The following HOXD13 variants were observed in gnomAD, a reference collection of about 807,000 sequenced individuals.
The protein encoded by HOXD13 is homeobox D13, also known as homeobox protein Hox-D13.
In HOXD13, 16 loss-of-function variants were observed where a neutral mutation model predicts 27.3. The observed-to-expected ratio is 0.59, with a 90% CI of 0.40 to 0.89. HOXD13 has a LOEUF of 0.89. HOXD13 is among the 40% of genes least tolerant of loss of function. HOXD13 has a pLI of 0.00. For synonymous variants in HOXD13, 241 were observed against 219.0 expected, an observed-to-expected ratio of 1.10 and a Z score of -0.89; for missense variants, 481 against 482.6, an observed-to-expected ratio of 1.00 and a Z score of 0.03.
chr2:176,092,634 T>C (rs1012147601), upstream of HOXD13, among the ~76,000 whole-genome samples: 1 of 151,826 alleles, frequency 6.6e-6, no homozygotes, highest in East Asian at 1.9e-4. Context: ...GCGGGGGCCC[T>C]CGGGGCGGGA....
In HOXD13 at chr2:176,093,482, A is replaced by G. The variant is rs1490718106; in HGVS notation, c.592A>G (p.Ser198Gly). 3.1e-6 allele frequency: 5 copies of G among 1,613,904 alleles called. No homozygotes were observed. The East Asian group carries it at 8.9e-5, about 29-fold the overall frequency. Residue 198 changes from serine (S) to glycine (G), a missense_variant, in exon 1 of 2, where the codon AGC becomes GGC. By Grantham distance (56) the Ser-to-Gly change is moderately conservative. Transcript: ENST00000392539. Reference protein sequence around the residue: ...KEVSFYQGYTSPYQHVPGYID... With the variant: ...KEVSFYQGYTGPYQHVPGYID... ...GGTATCCTTCTACCAGGGCTATACG[A>G]GCCCTTACCAGCACGTGCCCGGCTA... is the stretch of plus-strand genomic sequence containing the variant.
chr2:176,088,201 G>A (rs903827766), upstream of HOXD13, among the ~76,000 whole-genome samples: 2 of 152,240 alleles, frequency 1.3e-5, no homozygotes, highest in Admixed American at 6.5e-5. Flanking sequence ...CTGTCTTCAG[G>A]CGAAGTGCGG....
At position 176,095,045 on chromosome 2, in the gene HOXD13, C is replaced by G; in HGVS notation, c.*315C>G. The G allele has an allele frequency of 2.6e-6, 1 of 378,736 alleles. No homozygotes were observed. The highest frequency in any genetic ancestry group is 4.9e-6 in the Non-Finnish European group (1 of 206,028). 23.5% of individuals were successfully genotyped at this position (378,736 alleles called of 1,614,324 possible). On this transcript the variant is annotated 3_prime_UTR_variant, in exon 2 of 2. Coordinates refer to ENST00000392539, the MANE Select transcript of HOXD13 (RefSeq NM_000523.4). ...TTGAAGTATTTTTTAATAATCCGCC[C>G]CCCAATGAACTTCAGAAGTGCCATT...
upstream of HOXD13, among the ~76,000 whole-genome samples, chr2:176,087,913 T>C (rs770586754): frequency 1.3e-4 from 20 of 152,266 alleles, no homozygotes; most frequent in Non-Finnish European, 2.5e-4. Context: ...GCGGGTCCTC[T>C]GAGGTGAAGT....
intron 1 of HOXD13, among the ~76,000 whole-genome samples, chr2:176,094,010 C>G (rs1689374457): frequency 6.6e-6 from 1 of 152,188 alleles, no homozygotes; most frequent in African/African-American, 2.4e-5. Flanking sequence ...TGGGTCCCCC[C>G]ATTTTCAAAG....
chr2:176,095,025 G>T lies in HOXD13; in HGVS notation c.*295G>T. 2.5e-6 allele frequency: 1 copy of T among 397,026 alleles called. No homozygotes were observed. Among genetic ancestry groups the T allele is most frequent in the Non-Finnish European group, 4.6e-6 (1 of 217,442 alleles). The allele number at this position is 397,026 out of a possible 1,614,324, so 24.6% of individuals were successfully genotyped here. A position where few individuals can be genotyped will look rare whatever the true frequency, so the allele number is the denominator to read the frequency against. ...CCAGGCCAGTATAAAGGGACTTGAAGTATTTTTTAATAATCCGCCCCCCAA... is the reference window on the plus strand; with the variant it reads ...CCAGGCCAGTATAAAGGGACTTGAATTATTTTTTAATAATCCGCCCCCCAA... On this transcript the variant is annotated 3_prime_UTR_variant, in exon 2 of 2. Transcript: ENST00000392539.
Position 176,092,876 on chromosome 2 carries a change from G to C in HOXD13, c.-15G>C, listed in dbSNP as rs1025581475. On this transcript the variant is annotated 5_prime_UTR_variant, in exon 1 of 2. Transcript: ENST00000392539. ...CGGGGCCAGGGCCAGGGCCGGGGCC[G>C]GGCCAGGCCGGGCCATGAGCCGCGC... 5 of 1,231,640 alleles carry C rather than the reference G, an allele frequency of 4.1e-6. No homozygotes were observed. Among genetic ancestry groups the C allele is most frequent in the Admixed American group, 8.7e-5 (2 of 22,914 alleles). The allele number at this position is 1,231,640 out of a possible 1,614,324, so 76.3% of individuals were successfully genotyped here. A position where few individuals can be genotyped will look rare whatever the true frequency, so the allele number is the denominator to read the frequency against.
chr2:176,094,037 A>T (rs1017305224), intron 1 of HOXD13, among the ~76,000 whole-genome samples: 1 of 152,200 alleles, frequency 6.6e-6, no homozygotes, highest in African/African-American at 2.4e-5. Context: ...CTGCCCCAAG[A>T]TGACTACTAA....
upstream of HOXD13, among the ~76,000 whole-genome samples, chr2:176,090,807 A>C (rs538701696): frequency 6.6e-6 from 1 of 152,312 alleles, no homozygotes; most frequent in African/African-American, 2.4e-5. Context: ...TTGGTACCAA[A>C]ATTGTTTCAT....
In HOXD13 at chr2:176,094,817, C is replaced by G; in HGVS notation, c.*87C>G. On this transcript the variant is annotated 3_prime_UTR_variant, in exon 2 of 2. Transcript: ENST00000392539. ...GAAAGACTTGAATATGTATTTAATTCCCCCCACCCCCTGCCAATGGTGGCA... is the reference window on the plus strand; with the variant it reads ...GAAAGACTTGAATATGTATTTAATTGCCCCCACCCCCTGCCAATGGTGGCA... 2 of 1,194,120 alleles carry G rather than the reference C, an allele frequency of 1.7e-6. No individual in the cohort carries two copies. The highest frequency in any genetic ancestry group is 2.5e-6 in the Non-Finnish European group (2 of 805,338). 74.0% of individuals were successfully genotyped at this position (1,194,120 alleles called of 1,614,324 possible).
upstream of HOXD13, among the ~76,000 whole-genome samples, chr2:176,091,240 A>G (rs1042869213): frequency 6.6e-5 from 10 of 152,158 alleles, no homozygotes; most frequent in African/African-American, 2.4e-4. Context: ...GTCGGGGAAC[A>G]GTGGTGCTGG....
At chr2:176,089,912 T>C (rs764050883), upstream of HOXD13, among the ~76,000 whole-genome samples, 1 of 152,232 alleles carries the variant, frequency 6.6e-6, no homozygotes, top group Non-Finnish European at 1.5e-5. Context: ...CCCTGCATAA[T>C]GCACCCACAC....
At chr2:176,094,385 G>GCGCA (rs1553517315) in intron 1 of HOXD13, 95 bp from the exon 2 acceptor site, 15 of 1,202,114 alleles carry the variant, frequency 1.2e-5, no homozygotes, top group East Asian at 4.9e-5. Flanking sequence ...CCCTGCAAAC[G>GCGCA]CACACACACA....
At chr2:176,089,964 A>G (rs1689295815), upstream of HOXD13, among the ~76,000 whole-genome samples, 1 of 152,226 alleles carries the variant, frequency 6.6e-6, no homozygotes, top group African/African-American at 2.4e-5. Flanking sequence ...CACCTAAAGA[A>G]ACTGATTCCC....
chr2:176,087,969 G>C (rs965874506), upstream of HOXD13, among the ~76,000 whole-genome samples: 4 of 152,252 alleles, frequency 2.6e-5, no homozygotes, highest in African/African-American at 9.6e-5. Flanking sequence ...AAATCTGTCC[G>C]GGCTGCCCGA....
chr2:176,087,655 G>A, the HOXD13 span, among the ~76,000 whole-genome samples: 1 of 152,194 alleles, frequency 6.6e-6, no homozygotes, highest in Non-Finnish European at 1.5e-5. Context: ...GTGGTTTGAT[G>A]CAGCCTCTGT....
chr2:176,094,640 C>A lies in HOXD13; in HGVS notation c.942C>A (p.Asn314Lys). 1 of 1,613,802 alleles carries A rather than the reference C, an allele frequency of 6.2e-7. No homozygotes were observed. Among genetic ancestry groups the A allele is most frequent in the South Asian group, 1.1e-5 (1 of 91,066 alleles). The change falls in exon 2 of 2, where the codon AAC (asparagine) becomes AAA (lysine). Residue 314 changes from asparagine to lysine, a missense_variant. By Grantham distance (94) the Asn-to-Lys change is moderately conservative (BLOSUM62 0). Coordinates refer to ENST00000392539, the MANE Select transcript of HOXD13 (RefSeq NM_000523.4). ...DKRRRISAATNLSERQVTIWF... is the reference protein window; with the variant it reads ...DKRRRISAATKLSERQVTIWF... ...GGCGGCGTATCTCGGCTGCTACGAACCTATCTGAGAGACAAGTGACCATTT... is the reference window on the plus strand; with the variant it reads ...GGCGGCGTATCTCGGCTGCTACGAAACTATCTGAGAGACAAGTGACCATTT...
upstream of HOXD13, among the ~76,000 whole-genome samples, chr2:176,092,152 C>T (rs1187213115): frequency 6.6e-6 from 1 of 152,200 alleles, no homozygotes; most frequent in South Asian, 2.1e-4. Context: ...TGCCTCTTAC[C>T]TGTGTGAAAT....
At position 176,092,989 on chromosome 2, in the gene HOXD13, G is replaced by A; in HGVS notation, c.99G>A (p.Ala33=). The A allele has an allele frequency of 7.4e-7, 1 of 1,352,238 alleles. No homozygotes were observed. Among genetic ancestry groups the A allele is most frequent in the Non-Finnish European group, 9.5e-7 (1 of 1,055,122 alleles). 83.8% of individuals were successfully genotyped at this position (1,352,238 alleles called of 1,614,324 possible). The change falls in exon 1 of 2, where the codon GCG becomes GCA. Residue 33 remains alanine (A), a synonymous_variant. Transcript: ENST00000392539. ...CTTCCTCCTCCTCATCGGTGGCGGC[G>A]GCGGCGGCGTCAGGCCAGTGCCGCG... The part of the protein sequence containing the change: ...PASSSSSSVA[A]AAASGQCRGF...
Sources: gnomAD v4.1 joint callset for allele counts (sites outside exome capture counted in the v4.1 genomes callset) on GRCh38, gnomAD v4.1.1 for gene constraint, MANE v1.5 for transcripts, NCBI Gene and HGNC (gene_info 2026-07-23, HGNC 2026-07-21) for gene names.